Variants in DENND11 observed in about 807,000 individuals in gnomAD.
The protein encoded by DENND11 is DENN domain-containing protein 11.
In DENND11, 34 loss-of-function variants were observed where a neutral mutation model predicts 49.2. The observed-to-expected ratio is 0.69, with a 90% confidence interval of 0.53 to 0.92. DENND11 has a LOEUF of 0.92. Ranked by LOEUF, DENND11 falls within the 40% of genes least tolerant of loss-of-function variation. The probability of loss-of-function intolerance (pLI) is 0.00; values close to 1 mark genes in which losing one functional copy is unlikely to be tolerated. For synonymous variants in DENND11, 238 were observed against 230.3 expected, an observed-to-expected ratio of 1.03 and a Z score of -0.30; for missense variants, 475 against 581.6, an observed-to-expected ratio of 0.82 and a Z score of 1.88.
intron 1 of DENND11, among the ~76,000 whole-genome samples, chr7:141,688,549 G>A (rs115556678): frequency 1.3e-5 from 2 of 152,244 alleles, no homozygotes; most frequent in South Asian, 2.1e-4. Context: ...AGAAAGCCTC[G>A]AACAATGTTA....
At chr7:141,693,822 G>A (rs1005356411) in intron 1 of DENND11, among the ~76,000 whole-genome samples, 3 of 152,260 alleles carry the variant, frequency 2.0e-5, no homozygotes, top group African/African-American at 4.8e-5. Context: ...AAGATCAATA[G>A]GAAGGGAGGG....
chr7:141,686,394 T>C (rs919006405), intron 2 of DENND11, among the ~76,000 whole-genome samples, 165 bp downstream of exon 2: 1 of 152,210 alleles, frequency 6.6e-6, no homozygotes, highest in Non-Finnish European at 1.5e-5. Flanking sequence ...TGATGAAAGC[T>C]AGACATCTCA....
chr7:141,683,282 A>G (rs1798176137), intron 3 of DENND11, among the ~76,000 whole-genome samples: 1 of 151,110 alleles, frequency 6.6e-6, no homozygotes, highest in Admixed American at 6.6e-5. Context: ...TAAAAATAAA[A>G]GAACTATCTA....
At position 141,670,045 on chromosome 7, in the gene DENND11, C is replaced by T. The variant is rs186636793; in HGVS notation, c.682-3620G>A. Reference sequence around the variant, plus strand: ...CAGGATGGTCTCGATCTCCTGACCTCGTGATCCGCCCGCCTCGGCCTCCCA... The same window carrying T: ...CAGGATGGTCTCGATCTCCTGACCTTGTGATCCGCCCGCCTCGGCCTCCCA... On this transcript the variant is annotated intron_variant, in intron 4 of 8. Coordinates refer to ENST00000536163, the MANE Select transcript of DENND11 (RefSeq NM_001080392.2). Among the ~76,000 whole-genome samples, 412 of 150,620 alleles carry T rather than the reference C, an allele frequency of 2.7e-3. 3 individuals carry two copies. Among genetic ancestry groups the T allele is most frequent in the African/African-American group, 9.7e-3 (391 of 40,358 alleles).
chr7:141,701,733 C>T lies in DENND11; in HGVS notation c.268+153G>A, dbSNP rs1798522651. The T allele has an allele frequency of 5.2e-6, 3 of 577,200 alleles. No individual in the cohort carries two copies. The South Asian group carries it at 2.5e-4, about 48-fold the overall frequency. The allele number at this position is 577,200 out of a possible 1,614,324, so 35.8% of individuals were successfully genotyped here. The stretch of plus-strand genomic sequence containing the variant: ...AGAGCTGAGGACTGGCCGACCCCCG[C>T]CCTTCCCCAAGCCCGGGAGCCCGGG... On this transcript the variant is annotated intron_variant, in intron 1 of 8. Coordinates refer to ENST00000536163, the MANE Select transcript of DENND11 (RefSeq NM_001080392.2).
At chr7:141,674,727 G>C (rs1195749151) in intron 3 of DENND11, among the ~76,000 whole-genome samples, 2 of 152,222 alleles carry the variant, frequency 1.3e-5, no homozygotes, top group East Asian at 3.9e-4. Context: ...ATTATTATTG[G>C]ATGTCATCAG....
At chr7:141,671,876 C>T (rs925492017) in intron 4 of DENND11, among the ~76,000 whole-genome samples, 7 of 152,184 alleles carry the variant, frequency 4.6e-5, no homozygotes, top group Non-Finnish European at 8.8e-5. Flanking sequence ...GCCTACGCCA[C>T]GGGGTTGGGA....
intron 4 of DENND11, among the ~76,000 whole-genome samples, chr7:141,671,870 A>G (rs910208813): frequency 3.9e-5 from 6 of 152,186 alleles, no homozygotes; most frequent in Non-Finnish European, 8.8e-5. Context: ...CTCTCAGCCT[A>G]CGCCACGGGG....
In DENND11 at chr7:141,665,267, G is replaced by A. The variant is rs1409999315; in HGVS notation, c.872C>T (p.Thr291Ile). Residue 291 changes from threonine (T) to isoleucine (I), a missense_variant, in exon 6 of 9, where the codon ACC becomes ATC. Transcript: ENST00000536163. ...GAAGAAAGGTTTGGACTCAGGAATG[G>A]TGCCCCCGATGCCAGGCAGTGAAAC... Reference protein sequence around the residue: ...ANVSLPGIGGTIPESKPFFYV... With the variant: ...ANVSLPGIGGIIPESKPFFYV... 1 of 1,613,824 alleles carries A rather than the reference G, an allele frequency of 6.2e-7. No homozygotes were observed.
At chr7:141,697,468 C>A (rs910588577) in intron 1 of DENND11, among the ~76,000 whole-genome samples, 1 of 152,284 alleles carries the variant, frequency 6.6e-6, no homozygotes, top group South Asian at 2.1e-4. Context: ...GGAAGGATGG[C>A]GACATGACAG....
chr7:141,686,407 A>G (rs1439486439), intron 2 of DENND11, among the ~76,000 whole-genome samples, 152 bp downstream of exon 2: 3 of 152,228 alleles, frequency 2.0e-5, no homozygotes, highest in African/African-American at 7.2e-5. Context: ...ACATCTCACT[A>G]GAAAAATGAT....
intron 8 of DENND11, 87 bp downstream of exon 8, chr7:141,664,085 C>G (rs1010856669): frequency 3.5e-6 from 4 of 1,129,692 alleles, no homozygotes; most frequent in Admixed American, 2.0e-5. Flanking sequence ...ATCCCTGGCC[C>G]GCAGTGAATG....
intron 3 of DENND11, among the ~76,000 whole-genome samples, chr7:141,680,885 G>A (rs1798138422): frequency 6.6e-6 from 1 of 152,056 alleles, no homozygotes; most frequent in Admixed American, 6.5e-5. Context: ...TGCCATGCTG[G>A]AAAAGCTGTA....
intron 8 of DENND11, chr7:141,663,879 A>G (rs1050826265): frequency 2.5e-5 from 10 of 393,980 alleles, no homozygotes; most frequent in African/African-American, 2.0e-4. Context: ...GTCCTGAGGG[A>G]CAGACAGAGC....
chr7:141,686,770 TCAGACAGAC>T lies in DENND11; in HGVS notation c.269-121_269-113del. On this transcript the variant is annotated intron_variant, in intron 1 of 8. Transcript: ENST00000536163. ...CAATAAACCGACTGCTGACTCAGCC[TCAGACAGAC>T]CAGCGAGATGCTCAGAGCTCAGCCC... is the stretch of plus-strand genomic sequence containing the variant. The T allele has an allele frequency of 9.8e-6, 7 of 716,598 alleles. No individual in the cohort carries two copies. The South Asian group carries it at 1.0e-4, about 10-fold the overall frequency. The allele number at this position is 716,598 out of a possible 1,614,324, so 44.4% of individuals were successfully genotyped here. A position where few individuals can be genotyped will look rare whatever the true frequency, so the allele number is the denominator to read the frequency against.
chr7:141,677,096 C>T (rs745408454), intron 3 of DENND11, among the ~76,000 whole-genome samples: 8 of 152,076 alleles, frequency 5.3e-5, no homozygotes, highest in East Asian at 3.9e-4. Context: ...TGCCTTTGTG[C>T]GACAATTACA....
rs1041221789 is a variant in DENND11, at chr7:141,662,455, C to G, written c.*201G>C. ...GGCAGATTCCAATATCCTAACATGG[C>G]AGGACACAAAACCAAGGTGATCTCA... On this transcript the variant is annotated 3_prime_UTR_variant, in exon 9 of 9. Transcript: ENST00000536163. 1 of 442,978 alleles carries G rather than the reference C, an allele frequency of 2.3e-6. No homozygotes were observed. The highest frequency in any genetic ancestry group is 2.0e-5 in the African/African-American group (1 of 49,282). The allele number at this position is 442,978 out of a possible 1,614,324, so 27.4% of individuals were successfully genotyped here. A position where few individuals can be genotyped will look rare whatever the true frequency, so the allele number is the denominator to read the frequency against.
chr7:141,666,160 C>G, intron 5 of DENND11, 127 bp downstream of exon 5: 1 of 1,019,538 alleles, frequency 9.8e-7, no homozygotes, highest in Admixed American at 2.7e-5. Context: ...TCAGTTCACT[C>G]CCGGGCTTAA....
chr7:141,700,276 T>A (rs927534567), intron 1 of DENND11, among the ~76,000 whole-genome samples: 1 of 152,136 alleles, frequency 6.6e-6, no homozygotes, highest in African/African-American at 2.4e-5. Context: ...TGGGGTACAG[T>A]ATAAGCAATA....
Sources: allele counts gnomAD v4.1 joint callset (sites outside exome capture counted in the v4.1 genomes callset), GRCh38; gene constraint gnomAD v4.1.1; transcripts MANE v1.5; gene names NCBI Gene and HGNC (gene_info 2026-07-23, HGNC 2026-07-21).